The following ANK2 variants were observed in gnomAD, a reference collection of about 807,000 sequenced individuals.
ANK2 encodes the protein ankyrin-2.
Under a neutral mutation model 360.5 loss-of-function variants are expected in ANK2, and 83 were observed. The observed-to-expected ratio is 0.23, with a 90% CI of 0.19 to 0.28. The LOEUF is 0.28. ANK2 is among the 10% of genes least tolerant of loss of function. The pLI is 1.00. For missense variants in ANK2, 4,201 were observed against 4,795.7 expected, an observed-to-expected ratio of 0.88 and a Z score of 3.66; for synonymous variants, 1,740 against 1,759.5, an observed-to-expected ratio of 0.99 and a Z score of 0.28.
chr4:113,071,229 T>C (rs1257394671), intron 1 of ANK2, among the ~76,000 whole-genome samples: 2 of 152,188 alleles, frequency 1.3e-5, no homozygotes, highest in Admixed American at 6.5e-5. Flanking sequence ...ACCCGATGCC[T>C]TTTCAGCCAG....
intron 2 of ANK2, among the ~76,000 whole-genome samples, chr4:113,008,993 T>A (rs1236026951): frequency 6.6e-6 from 1 of 152,218 alleles, no homozygotes; most frequent in Admixed American, 6.5e-5. Flanking sequence ...GAATTTAATT[T>A]GTCCTAAACA....
intron 2 of ANK2, among the ~76,000 whole-genome samples, chr4:113,021,530 C>CCAAACACACACACACACACACACACA (rs1554056653): frequency 4.6e-4 from 6 of 13,084 alleles, no homozygotes; most frequent in Non-Finnish European, 1.1e-3. Context: ...ACACACACAC[C>CCAAACACACACACACACACACACACA]CACACACAAA....
intron 1 of ANK2, among the ~76,000 whole-genome samples, chr4:113,149,655 A>G (rs2096963069): frequency 6.6e-6 from 1 of 151,944 alleles, no homozygotes; most frequent in Admixed American, 6.6e-5. Flanking sequence ...CAGGCAGATC[A>G]CTGGAGCCCA....
intron 11 of ANK2, 140 bp downstream of exon 11, chr4:113,256,072 A>G: frequency 9.5e-7 from 1 of 1,049,008 alleles, no homozygotes; most frequent in African/African-American, 1.6e-5. Flanking sequence ...CTTCACAATC[A>G]GCCTGTGTAC....
intron 26 of ANK2, among the ~76,000 whole-genome samples, chr4:113,327,439 G>A (rs2090557498): frequency 6.6e-6 from 1 of 152,162 alleles, no homozygotes; most frequent in Non-Finnish European, 1.5e-5. Flanking sequence ...TGACTGCTCT[G>A]ATTGTCCAGA....
At chr4:112,967,401 C>T (rs188179836) in intron 2 of ANK2, among the ~76,000 whole-genome samples, 30 of 152,326 alleles carry the variant, frequency 2.0e-4, no homozygotes, top group African/African-American at 6.7e-4. Context: ...AAACTTGCAG[C>T]GGCAGAGCCC....
At chr4:112,903,891 TA>T (rs1243391931) in intron 1 of ANK2, among the ~76,000 whole-genome samples, 2 of 152,208 alleles carry the variant, frequency 1.3e-5, no homozygotes, top group Non-Finnish European at 2.9e-5. Context: ...ATTCCTATTT[TA>T]CCATGTGTCA....
chr4:113,370,487 C>G (rs2096694833), intron 43 of ANK2, among the ~76,000 whole-genome samples: 1 of 152,034 alleles, frequency 6.6e-6, no homozygotes, highest in Non-Finnish European at 1.5e-5. Flanking sequence ...TGGCCAGGCG[C>G]GGTGGCTCAC....
At chr4:112,848,043 A>T (rs992364244) in intron 1 of ANK2, among the ~76,000 whole-genome samples, 1 of 152,156 alleles carries the variant, frequency 6.6e-6, no homozygotes, top group Non-Finnish European at 1.5e-5. Context: ...AGAGCATGCG[A>T]TTTGGAGCGA....
chr4:113,267,230 G>T (rs1049696226), intron 14 of ANK2, among the ~76,000 whole-genome samples: 1 of 152,076 alleles, frequency 6.6e-6, no homozygotes, highest in Non-Finnish European at 1.5e-5. Flanking sequence ...AGTTTCTTTT[G>T]CTGTACAGAA....
intron 1 of ANK2, among the ~76,000 whole-genome samples, chr4:113,092,094 AT>A (rs34415265): frequency 1.2e-4 from 18 of 151,984 alleles, no homozygotes; most frequent in African/African-American, 4.1e-4. Context: ...TTTAAATGTC[AT>A]TTTTTTCTCT....
intron 9 of ANK2, among the ~76,000 whole-genome samples, chr4:113,246,270 A>C (rs1198542347): frequency 6.6e-6 from 1 of 152,136 alleles, no homozygotes; most frequent in Admixed American, 6.6e-5. Flanking sequence ...TATTATCTAG[A>C]GAATAGCAAG....
rs2095271107 is a variant in ANK2, at chr4:113,120,398, A to C, written c.85-54018A>C. Among the ~76,000 whole-genome samples the C allele has an allele frequency of 2.6e-5, 4 of 152,240 alleles. No homozygotes were observed. In the South Asian group the frequency reaches 8.3e-4, roughly 32 times the overall value. On this transcript the variant is annotated intron_variant, in intron 1 of 45. Transcript: ENST00000357077. ...TTTAGAATTGAGGAGGATGCCAACA[A>C]AAAATGGTTAAGTGATTTATCAGCG... is the stretch of plus-strand genomic sequence containing the variant.
intron 4 of ANK2, among the ~76,000 whole-genome samples, chr4:113,228,237 A>G (rs991805118): frequency 6.6e-6 from 1 of 152,114 alleles, no homozygotes; most frequent in Admixed American, 6.5e-5. Flanking sequence ...GTTTAGTTAC[A>G]TGAATAAGTT....
intron 1 of ANK2, among the ~76,000 whole-genome samples, chr4:112,884,191 T>C (rs2077603634): frequency 6.6e-6 from 1 of 152,200 alleles, no homozygotes; most frequent in Admixed American, 6.5e-5. Flanking sequence ...GTAGTTTTGT[T>C]ATCCCCAAAA....
chr4:112,757,415 A>T, the ANK2 span, among the ~76,000 whole-genome samples: 64 of 152,326 alleles, frequency 4.2e-4, no homozygotes, highest in African/African-American at 1.5e-3. Flanking sequence ...TGTCCGGCTG[A>T]CAGCAGTGAC....
chr4:113,350,423 T>C (rs1247985718), intron 37 of ANK2, 174 bp downstream of exon 37: 1 of 544,416 alleles, frequency 1.8e-6, no homozygotes, highest in Non-Finnish European at 3.2e-6. Context: ...AAATTACAAA[T>C]ATACCTAATT....
intron 2 of ANK2, among the ~76,000 whole-genome samples, chr4:113,179,766 T>G (rs10488906): frequency 0.48 from 72,637 of 152,026 alleles, 17,898 homozygotes; most frequent in African/African-American, 0.61. Flanking sequence ...AGATTAACAT[T>G]CGGACATTAA....
intron 1 of ANK2, among the ~76,000 whole-genome samples, chr4:112,900,005 T>C (rs925218615): frequency 6.6e-6 from 1 of 152,156 alleles, no homozygotes; most frequent in Non-Finnish European, 1.5e-5. Flanking sequence ...CCACATTTCA[T>C]GAGGCTCTTA....
Sources: gnomAD v4.1 joint callset for allele counts (sites outside exome capture counted in the v4.1 genomes callset) on GRCh38, gnomAD v4.1.1 for gene constraint, MANE v1.5 for transcripts, NCBI Gene and HGNC (gene_info 2026-07-23, HGNC 2026-07-21) for gene names.